Variants in RBFOX1 observed in about 807,000 individuals in gnomAD.
RBFOX1 encodes RNA binding protein fox-1 homolog 1.
RBFOX1 carries 8 observed loss-of-function variants against 57.7 expected under a neutral mutation model. The ratio of observed to expected loss-of-function variants is 0.14; its 90% CI spans 0.08 to 0.25. RBFOX1 has a LOEUF of 0.25. RBFOX1 is among the 10% of genes least tolerant of loss of function. The pLI, the probability that RBFOX1 is intolerant of heterozygous loss-of-function variation, is 1.00. For missense variants in RBFOX1, 611 were observed against 548.5 expected (o/e 1.11, Z -1.14); for synonymous variants, 326 against 222.4 (o/e 1.47, Z -4.15).
chr16:7,112,084 G>C (rs1181986334), intron 4 of RBFOX1, among the ~76,000 whole-genome samples: 3 of 152,128 alleles, frequency 2.0e-5, no homozygotes, highest in East Asian at 1.9e-4. Flanking sequence ...AATTTCATTA[G>C]AAACAAAAAT....
At chr16:7,282,121 C>A (rs1424129416) in intron 4 of RBFOX1, among the ~76,000 whole-genome samples, 1 of 152,100 alleles carries the variant, frequency 6.6e-6, no homozygotes, top group Non-Finnish European at 1.5e-5. Flanking sequence ...CTTCAGCCTC[C>A]CAGAGTGCTG....
intron 4 of RBFOX1, among the ~76,000 whole-genome samples, chr16:7,372,503 G>C (rs994351792): frequency 6.6e-6 from 1 of 152,152 alleles, no homozygotes. Context: ...CAGAAAGAGA[G>C]GTCACATCTT....
intron 2 of RBFOX1, among the ~76,000 whole-genome samples, chr16:6,465,806 C>G (rs994888981): frequency 2.0e-5 from 3 of 149,852 alleles, no homozygotes; most frequent in Non-Finnish European, 4.4e-5. Flanking sequence ...GAAATGCTAA[C>G]TGTTGATTTA....
chr16:5,829,166 A>G (rs1030094354), intron 3 of RBFOX1, among the ~76,000 whole-genome samples: 2 of 152,304 alleles, frequency 1.3e-5, no homozygotes, highest in Admixed American at 6.5e-5. Context: ...AATGGGGACC[A>G]TCTTAGAAGC....
At chr16:6,998,895 G>A (rs1004119545) in intron 3 of RBFOX1, among the ~76,000 whole-genome samples, 1 of 151,578 alleles carries the variant, frequency 6.6e-6, no homozygotes, top group African/African-American at 2.4e-5. Flanking sequence ...TTGCGACTGA[G>A]TTTCACTCTA....
chr16:7,180,505 A>T (rs2082488801), intron 4 of RBFOX1, among the ~76,000 whole-genome samples: 1 of 152,172 alleles, frequency 6.6e-6, no homozygotes, highest in Admixed American at 6.5e-5. Context: ...GTATTCATTT[A>T]TCTGGTAGGG....
intron 3 of RBFOX1, among the ~76,000 whole-genome samples, chr16:6,984,350 C>T (rs1274100785): frequency 6.6e-6 from 1 of 152,132 alleles, no homozygotes; most frequent in Non-Finnish European, 1.5e-5. Flanking sequence ...ATCAATGTCA[C>T]CTGGGATATG....
intron 4 of RBFOX1, among the ~76,000 whole-genome samples, chr16:7,104,771 C>T (rs552738933): frequency 2.6e-5 from 4 of 152,110 alleles, no homozygotes; most frequent in Non-Finnish European, 5.9e-5. Flanking sequence ...TTGAGTATTG[C>T]TCTACCTTTT....
intron 2 of RBFOX1, among the ~76,000 whole-genome samples, chr16:6,487,029 G>C (rs1435956122): frequency 6.6e-6 from 1 of 152,036 alleles, no homozygotes; most frequent in Non-Finnish European, 1.5e-5. Context: ...GGAAACCATC[G>C]CATATTAAAT....
intron 4 of RBFOX1, among the ~76,000 whole-genome samples, chr16:7,438,442 A>C (rs545981793): frequency 6.6e-6 from 1 of 152,222 alleles, no homozygotes; most frequent in South Asian, 2.1e-4. Flanking sequence ...CTGGGAGGGC[A>C]GAAGAAGGTA....
intron 3 of RBFOX1, among the ~76,000 whole-genome samples, chr16:6,791,005 A>T (rs1397215826): frequency 6.6e-6 from 1 of 151,842 alleles, no homozygotes; most frequent in Non-Finnish European, 1.5e-5. Context: ...TCTCAGGTTC[A>T]GGTAATCCTT....
intron 1 of RBFOX1, among the ~76,000 whole-genome samples, chr16:5,305,461 A>G (rs112348601): frequency 1.2e-4 from 19 of 152,218 alleles, no homozygotes; most frequent in African/African-American, 3.4e-4. Flanking sequence ...TCTCATCTCT[A>G]TAATTCCAGA....
intron 3 of RBFOX1, among the ~76,000 whole-genome samples, chr16:5,851,535 G>A (rs776345776): frequency 4.6e-5 from 7 of 152,182 alleles, no homozygotes; most frequent in Non-Finnish European, 7.3e-5. Flanking sequence ...GCAGGACGAG[G>A]TAATAAGAAA....
At chr16:5,674,869 A>G (rs974800394) in intron 3 of RBFOX1, among the ~76,000 whole-genome samples, 2 of 152,240 alleles carry the variant, frequency 1.3e-5, no homozygotes, top group African/African-American at 4.8e-5. Context: ...GTGGCTGAAT[A>G]TGGTGGGTGG....
intron 2 of RBFOX1, among the ~76,000 whole-genome samples, chr16:6,353,361 G>C (rs1244614439): frequency 2.0e-5 from 3 of 151,626 alleles, no homozygotes; most frequent in African/African-American, 7.3e-5. Context: ...TTTGTTTTTT[G>C]GGATGGGTAT....
Position 5,869,768 on chromosome 16 carries a change from G to C in RBFOX1, c.351+2433G>C, listed in dbSNP as rs555946123. ...AAAGGAGGTCTGAGGAGTTGCAGTA[G>C]TTCCTACATAGGTGAAATAATGTTT... is the stretch of plus-strand genomic sequence containing the variant. On this transcript the variant is annotated intron_variant, in intron 4 of 19. Transcript: ENST00000641259. 4.6e-5 allele frequency among the ~76,000 whole-genome samples: 7 copies of C among 152,260 alleles called. No individual in the cohort carries two copies. The South Asian group carries it at 1.5e-3, about 32-fold the overall frequency.
At chr16:5,342,845 C>T (rs183748082) in intron 1 of RBFOX1, among the ~76,000 whole-genome samples, 11 of 152,206 alleles carry the variant, frequency 7.2e-5, no homozygotes, top group East Asian at 5.8e-4. Context: ...ACTGTTTTTC[C>T]GCATCTCTTT....
At chr16:7,195,770 G>A (rs1011748926) in intron 4 of RBFOX1, among the ~76,000 whole-genome samples, 3 of 152,152 alleles carry the variant, frequency 2.0e-5, no homozygotes, top group East Asian at 3.9e-4. Context: ...CCAGACTGGT[G>A]TTCAACTCCT....
intron 4 of RBFOX1, among the ~76,000 whole-genome samples, chr16:7,261,440 A>G (rs957390319): frequency 2.0e-5 from 3 of 152,154 alleles, no homozygotes; most frequent in Non-Finnish European, 2.9e-5. Context: ...CTAATAGTTA[A>G]AAGTTGGATG....
Sources: allele counts gnomAD v4.1 joint callset (sites outside exome capture counted in the v4.1 genomes callset), GRCh38; gene constraint gnomAD v4.1.1; transcripts MANE v1.5; gene names NCBI Gene and HGNC (gene_info 2026-07-23, HGNC 2026-07-21).